The following RBFOX3 variants were observed in gnomAD, a reference collection of about 807,000 sequenced individuals.
The protein encoded by RBFOX3 is RNA binding fox-1 homolog 3.
RBFOX3 carries 17 observed loss-of-function variants against 48.7 expected under a neutral mutation model. That is an observed-to-expected ratio of 0.35 (90% CI 0.24 to 0.52). The LOEUF (loss-of-function observed/expected upper bound fraction) is 0.52, where lower values mean the gene tolerates loss of function less well. Among genes scored for constraint, RBFOX3 ranks in the 20% least tolerant of loss-of-function variants. The pLI, the probability that RBFOX3 is intolerant of heterozygous loss-of-function variation, is 0.94. For synonymous variants in RBFOX3, 212 were observed against 209.5 expected, an observed-to-expected ratio of 1.01 and a Z score of -0.10; for missense variants, 382 against 497.5, an observed-to-expected ratio of 0.77 and a Z score of 2.21.
chr17:79,329,034 G>T (rs1040987432), intron 2 of RBFOX3, among the ~76,000 whole-genome samples: 10 of 152,092 alleles, frequency 6.6e-5, no homozygotes, highest in African/African-American at 2.4e-4. Context: ...ATGCAAGAAA[G>T]GACCCACGTG....
intron 2 of RBFOX3, among the ~76,000 whole-genome samples, chr17:79,347,804 G>A (rs1230111795): frequency 6.6e-6 from 1 of 151,912 alleles, no homozygotes; most frequent in East Asian, 1.9e-4. Flanking sequence ...CCTCTGTTCT[G>A]GTATTTCTAT....
At chr17:79,661,030 C>G in the RBFOX3 span, among the ~76,000 whole-genome samples, 843 of 152,218 alleles carry the variant, frequency 5.5e-3, 15 homozygotes, top group Admixed American at 0.018. Context: ...AACACAGGAA[C>G]AGAAAACCAA....
intron 1 of RBFOX3, among the ~76,000 whole-genome samples, chr17:79,502,425 T>C (rs1172712551): frequency 6.6e-6 from 1 of 152,062 alleles, no homozygotes; most frequent in Non-Finnish European, 1.5e-5. Context: ...GTTCTACAGA[T>C]GGAAGGTGGT....
chr17:79,356,019 C>A (rs2084916854), intron 2 of RBFOX3, among the ~76,000 whole-genome samples: 1 of 152,174 alleles, frequency 6.6e-6, no homozygotes, highest in Non-Finnish European at 1.5e-5. Flanking sequence ...CTCCAAATAT[C>A]ACTGCGTCTG....
chr17:79,319,988 G>C (rs921692152), intron 2 of RBFOX3, among the ~76,000 whole-genome samples: 2 of 150,274 alleles, frequency 1.3e-5, no homozygotes, highest in African/African-American at 4.9e-5. Flanking sequence ...TCTTGCCTGG[G>C]CTGCTGGTCC....
In RBFOX3 at chr17:79,345,690, G is replaced by C. The variant is rs558812528; in HGVS notation, c.-174-37866C>G. Among the ~76,000 whole-genome samples, 3 of 152,152 alleles carry C rather than the reference G, an allele frequency of 2.0e-5. No individual in the cohort carries two copies. In the South Asian group the frequency reaches 6.2e-4, roughly 32 times the overall value. ...TTTATACTTTTCTTCTTGATTTTCA[G>C]TTATTTAAACATTTTTGATACTAAT... On this transcript the variant is annotated intron_variant, in intron 2 of 14. Coordinates refer to ENST00000693108, the MANE Select transcript of RBFOX3 (RefSeq NM_001350451.2).
intron 3 of RBFOX3, among the ~76,000 whole-genome samples, chr17:79,277,019 C>T (rs2069008351): frequency 6.6e-6 from 1 of 152,226 alleles, no homozygotes; most frequent in African/African-American, 2.4e-5. Flanking sequence ...TGACGTCAGC[C>T]TCGGCCTTCT....
At chr17:79,543,293 T>G (rs2089969146) in intron 1 of RBFOX3, among the ~76,000 whole-genome samples, 1 of 152,132 alleles carries the variant, frequency 6.6e-6, no homozygotes, top group African/African-American at 2.4e-5. Flanking sequence ...TGCTACATCT[T>G]CAGAGCTCTG....
intron 4 of RBFOX3, among the ~76,000 whole-genome samples, chr17:79,200,840 G>A (rs1476477750): frequency 1.3e-5 from 2 of 152,096 alleles, no homozygotes; most frequent in Non-Finnish European, 2.9e-5. Context: ...CCCCTCCTTA[G>A]GCCATATCTG....
At chr17:79,412,178 A>G (rs1568203517) in intron 2 of RBFOX3, among the ~76,000 whole-genome samples, 1 of 151,238 alleles carries the variant, frequency 6.6e-6, no homozygotes, top group Non-Finnish European at 1.5e-5. Flanking sequence ...GTGTATGCAC[A>G]TATGTGTATA....
chr17:79,149,280 C>T (rs1246822219), intron 4 of RBFOX3, among the ~76,000 whole-genome samples: 1 of 152,190 alleles, frequency 6.6e-6, no homozygotes, highest in Admixed American at 6.5e-5. Flanking sequence ...TGGGAGGCAG[C>T]ATCTCGGGAC....
chr17:79,472,863 A>G (rs1476769904), intron 2 of RBFOX3, among the ~76,000 whole-genome samples: 1 of 152,136 alleles, frequency 6.6e-6, no homozygotes, highest in Non-Finnish European at 1.5e-5. Context: ...GTGGTGAAGG[A>G]TTCATTGGTT....
intron 1 of RBFOX3, among the ~76,000 whole-genome samples, chr17:79,501,437 C>T (rs1223243734): frequency 6.6e-6 from 1 of 152,222 alleles, no homozygotes; most frequent in Admixed American, 6.5e-5. Flanking sequence ...AGATGTCCAA[C>T]AGCTCCAGGA....
chr17:79,207,998 G>A (rs2057756154), intron 4 of RBFOX3, among the ~76,000 whole-genome samples: 1 of 152,146 alleles, frequency 6.6e-6, no homozygotes. Context: ...GCCTCGGCTG[G>A]GCTGGGTGAA....
chr17:79,571,460 C>G (rs2092675360), intron 1 of RBFOX3, among the ~76,000 whole-genome samples: 1 of 152,042 alleles, frequency 6.6e-6, no homozygotes, highest in Non-Finnish European at 1.5e-5. Context: ...TCCTCGAGGC[C>G]CCATCATAAA....
At chr17:79,577,841 G>A (rs1366428031) in intron 1 of RBFOX3, among the ~76,000 whole-genome samples, 1 of 152,222 alleles carries the variant, frequency 6.6e-6, no homozygotes, top group African/African-American at 2.4e-5. Context: ...GACCAGAGCA[G>A]CATTGAGCAC....
chr17:79,106,863 CAG>C, intron 5 of RBFOX3, 75 bp from the exon 6 acceptor site: 2 of 1,436,724 alleles, frequency 1.4e-6, no homozygotes, highest in East Asian at 2.9e-5. Flanking sequence ...AAAGGGTCGG[CAG>C]AGTCTAAAGG....
rs1600220251 is a variant in RBFOX3 at position 79,249,611 on chromosome 17, A to G, written c.-73-13806T>C. The stretch of plus-strand genomic sequence containing the variant: ...AATCACCCCAGAGCCAGGTACAGAC[A>G]ATCAGATCCAGCCCCATAGCCCAGA... On this transcript the variant is annotated intron_variant, in intron 3 of 14. Coordinates refer to ENST00000693108, the MANE Select transcript of RBFOX3 (RefSeq NM_001350451.2). This position sits in a 1 kb window ranked among gnomAD's most constrained non-coding sequence, Gnocchi z 4.1. 6.6e-6 allele frequency among the ~76,000 whole-genome samples: 1 copy of G among 152,206 alleles called. No homozygotes were observed.
chr17:79,333,084 A>T (rs963730652), intron 2 of RBFOX3, among the ~76,000 whole-genome samples: 1 of 147,270 alleles, frequency 6.8e-6, no homozygotes, highest in Admixed American at 6.7e-5. Flanking sequence ...AGAGACAAAG[A>T]GACAGACACA....
Sources: gnomAD v4.1 joint callset for allele counts (sites outside exome capture counted in the v4.1 genomes callset) on GRCh38, gnomAD v4.1.1 for gene constraint, Gnocchi (gnomAD v3.1) non-coding constraint, MANE v1.5 for transcripts, NCBI Gene and HGNC (gene_info 2026-07-23, HGNC 2026-07-21) for gene names.